ZC2HC1A: variants seen among roughly 807,000 people sequenced by gnomAD.
ZC2HC1A encodes zinc finger C2HC domain-containing protein 1A.
A neutral mutation model predicts 40.7 loss-of-function variants in ZC2HC1A; 28 were observed. The observed-to-expected ratio is 0.69, with a 90% CI of 0.51 to 0.94. The LOEUF (loss-of-function observed/expected upper bound fraction) is 0.94. Among genes scored for constraint, ZC2HC1A ranks in the 40% least tolerant of loss-of-function variants. ZC2HC1A has a pLI of 0.00. For synonymous variants in ZC2HC1A, 129 were observed against 129.2 expected (o/e 1.00, Z 0.01); for missense variants, 389 against 386.3 (o/e 1.01, Z -0.06).
intron 5 of ZC2HC1A, among the ~76,000 whole-genome samples, chr8:78,696,053 T>C (rs1284359306): frequency 6.6e-6 from 1 of 152,142 alleles, no homozygotes; most frequent in Non-Finnish European, 1.5e-5. Flanking sequence ...CTTTTTTTTT[T>C]GAGACGGAGT....
At chr8:78,670,173 G>C (rs1249300989) in intron 1 of ZC2HC1A, among the ~76,000 whole-genome samples, 2 of 151,900 alleles carry the variant, frequency 1.3e-5, no homozygotes, top group African/African-American at 4.8e-5. Flanking sequence ...CTGCATGTTG[G>C]TCAGGCTGAT....
chr8:78,697,298 C>A, intron 5 of ZC2HC1A, 109 bp from the exon 6 acceptor site: 1 of 861,896 alleles, frequency 1.2e-6, no homozygotes, highest in Non-Finnish European at 1.7e-6. Flanking sequence ...CTCTTTTCAT[C>A]TTGTAAGGCT....
chr8:78,690,931 A>C (rs573714542), intron 5 of ZC2HC1A, among the ~76,000 whole-genome samples: 1 of 152,234 alleles, frequency 6.6e-6, no homozygotes, highest in Admixed American at 6.5e-5. Flanking sequence ...TATTAATCTT[A>C]TACCCTGCTA....
chr8:78,670,063 G>T (rs139513202), intron 1 of ZC2HC1A, among the ~76,000 whole-genome samples: 7 of 151,218 alleles, frequency 4.6e-5, no homozygotes, highest in Admixed American at 3.3e-4. Flanking sequence ...CGCCTTCTGG[G>T]TTCAAGCGAT....
At chr8:78,683,032 G>A (rs1260272019) in intron 3 of ZC2HC1A, among the ~76,000 whole-genome samples, 1 of 152,184 alleles carries the variant, frequency 6.6e-6, no homozygotes, top group African/African-American at 2.4e-5. Flanking sequence ...CAAAAGATGG[G>A]CTCCCATGGC....
intron 1 of ZC2HC1A, among the ~76,000 whole-genome samples, chr8:78,672,695 G>T (rs186860760): frequency 6.8e-4 from 103 of 152,122 alleles, no homozygotes; most frequent in African/African-American, 2.4e-3. Context: ...TAATCAGCTT[G>T]GTTATCCTTA....
chr8:78,687,848 TTTA>T (rs1810066637), intron 4 of ZC2HC1A, among the ~76,000 whole-genome samples: 1 of 90,104 alleles, frequency 1.1e-5, no homozygotes, highest in Non-Finnish European at 2.8e-5. Flanking sequence ...TATATATATA[TTTA>T]TATAATATAT....
rs776838149 is a variant in ZC2HC1A, at chr8:78,697,434, A to G, written c.532A>G (p.Asn178Asp). ...TAAGCCACCCGCACTTAAAAAGTCA[A>G]ATTCTCCTGGAACTGCATCATCAGG... ...VYKPPALKKS[N>D]SPGTASSGSS... The change falls in exon 6 of 9, where the codon AAT becomes GAT. Residue 178 changes from asparagine to aspartate, a missense_variant. Coordinates refer to ENST00000263849, the MANE Select transcript of ZC2HC1A (RefSeq NM_016010.3). 1 of 1,603,656 alleles carries G rather than the reference A, an allele frequency of 6.2e-7. No homozygotes were observed. Among genetic ancestry groups the G allele is most frequent in the East Asian group, 2.3e-5 (1 of 44,414 alleles).
rs565629814 is a variant in ZC2HC1A, at chr8:78,703,396, C to T, written c.704+4883C>T. On this transcript the variant is annotated intron_variant, in intron 7 of 8. Transcript: ENST00000263849. ...AGGTGTTAAAGTCTCCCACTATTAT[C>T]GTGTGAGAGTCTAAGTCTCATTGAA... is the stretch of plus-strand genomic sequence containing the variant. Among the ~76,000 whole-genome samples the T allele has an allele frequency of 1.4e-3, 218 of 152,220 alleles. 1 individual carries two copies. The highest frequency in any genetic ancestry group is 4.7e-3 in the African/African-American group (197 of 41,552).
chr8:78,703,470 C>T (rs956569449), intron 7 of ZC2HC1A, among the ~76,000 whole-genome samples: 1 of 151,160 alleles, frequency 6.6e-6, no homozygotes, highest in African/African-American at 2.4e-5. Flanking sequence ...GTGTTGGGTA[C>T]ATTTGTATTT....
chr8:78,697,255 A>G (rs1810451603), intron 5 of ZC2HC1A, 152 bp from the exon 6 acceptor site: 3 of 595,628 alleles, frequency 5.0e-6, no homozygotes, highest in Non-Finnish European at 8.5e-6. Flanking sequence ...TACATTAATG[A>G]TGTGCAACCA....
At chr8:78,701,218 A>G (rs1342687129) in intron 7 of ZC2HC1A, among the ~76,000 whole-genome samples, 1 of 152,034 alleles carries the variant, frequency 6.6e-6, no homozygotes, top group African/African-American at 2.4e-5. Context: ...CTCCCCAGTT[A>G]CCTGTATTCT....
chr8:78,670,110 G>A (rs1299661518), intron 1 of ZC2HC1A, among the ~76,000 whole-genome samples: 1 of 151,838 alleles, frequency 6.6e-6, no homozygotes, highest in Non-Finnish European at 1.5e-5. Flanking sequence ...TGGGATTACA[G>A]GCATGTGCCA....
chr8:78,689,001 C>A (rs1810117234), intron 4 of ZC2HC1A, among the ~76,000 whole-genome samples: 1 of 147,850 alleles, frequency 6.8e-6, no homozygotes. Flanking sequence ...TGATTCAAAG[C>A]TAGAAGAAAA....
intron 5 of ZC2HC1A, among the ~76,000 whole-genome samples, chr8:78,696,064 C>G (rs1810398435): frequency 1.3e-5 from 2 of 151,516 alleles, no homozygotes; most frequent in African/African-American, 4.9e-5. Flanking sequence ...GAGACGGAGT[C>G]TTGCTCTGTT....
chr8:78,688,041 A>G (rs1810083290), intron 4 of ZC2HC1A, among the ~76,000 whole-genome samples: 2 of 149,790 alleles, frequency 1.3e-5, no homozygotes, highest in African/African-American at 4.9e-5. Context: ...TTCATTTACA[A>G]AGACAGGCAA....
rs1264150133 is a variant in ZC2HC1A, at chr8:78,675,879, T to C, written c.93+16T>C. On this transcript the variant is annotated intron_variant, in intron 2 of 8. Coordinates refer to ENST00000263849, the MANE Select transcript of ZC2HC1A (RefSeq NM_016010.3). ...AGTAGCATTAGTGAGTAGACTGATT[T>C]TGTACCTTTATGGTTTTACAGATCT... 1.3e-6 allele frequency: 2 copies of C among 1,599,990 alleles called. No individual in the cohort carries two copies. Among genetic ancestry groups the C allele is most frequent in the Middle Eastern group, 1.7e-4 (1 of 6,018 alleles).
In ZC2HC1A at chr8:78,719,362, G is replaced by C. The variant is rs1323772005; in HGVS notation, c.*1869G>C. ...GTTATAATGTACCACATGGAGATGA[G>C]TTGGTAAGAAATCATCTAGTTCCAG... On this transcript the variant is annotated 3_prime_UTR_variant, in exon 9 of 9. Coordinates refer to ENST00000263849, the MANE Select transcript of ZC2HC1A (RefSeq NM_016010.3). 6.6e-6 allele frequency: 1 copy of C among 151,674 alleles called. No individual in the cohort carries two copies. The highest frequency in any genetic ancestry group is 6.6e-5 in the Admixed American group (1 of 15,238). The allele number at this position is 151,674 out of a possible 1,614,324, so 9.4% of individuals were successfully genotyped here.
chr8:78,708,199 T>C (rs1206815189), intron 7 of ZC2HC1A, among the ~76,000 whole-genome samples: 1 of 152,218 alleles, frequency 6.6e-6, no homozygotes, highest in Non-Finnish European at 1.5e-5. Context: ...AATTGAGCAT[T>C]CGCTGAGATT....
Sources: gnomAD v4.1 joint callset for allele counts (sites outside exome capture counted in the v4.1 genomes callset) on GRCh38, gnomAD v4.1.1 for gene constraint, MANE v1.5 for transcripts, NCBI Gene and HGNC (gene_info 2026-07-23, HGNC 2026-07-21) for gene names.